RIMS1: variants seen among roughly 807,000 people sequenced by gnomAD.
RIMS1 encodes regulating synaptic membrane exocytosis protein 1.
In RIMS1, 83 loss-of-function variants were observed where a neutral mutation model predicts 214.1. The ratio of observed to expected loss-of-function variants is 0.39; its 90% CI spans 0.32 to 0.47. The LOEUF is 0.47. Among genes scored for constraint, RIMS1 ranks in the 20% least tolerant of loss-of-function variants. The pLI, the probability that RIMS1 is intolerant of heterozygous loss-of-function variation, is 0.99. For synonymous variants in RIMS1, 793 were observed against 786.8 expected (o/e 1.01, Z -0.13); for missense variants, 2,050 against 2,161.8 (o/e 0.95, Z 1.03).
intron 9 of RIMS1, among the ~76,000 whole-genome samples, chr6:72,239,711 A>G (rs1371035289): frequency 6.6e-6 from 1 of 152,172 alleles, no homozygotes. Context: ...CAAAAATGAC[A>G]CTGACACTCT....
chr6:72,244,650 C>G (rs118003391), intron 10 of RIMS1, among the ~76,000 whole-genome samples: 2 of 151,476 alleles, frequency 1.3e-5, no homozygotes, highest in East Asian at 3.9e-4. Flanking sequence ...TTAATTCATT[C>G]AAATGATTTT....
chr6:72,274,138 ATTCACT>A lies in RIMS1; in HGVS notation c.3399-209_3399-204del, dbSNP rs2084891456. ...ATCTTCCCGAATAAATTGTTTCTTTATTCACTTATAAGATTATAGGTTTTATGTTCT... is the reference window on the plus strand; with the variant it reads ...ATCTTCCCGAATAAATTGTTTCTTTATATAAGATTATAGGTTTTATGTTCT... On this transcript the variant is annotated intron_variant, in intron 22 of 33. Coordinates refer to ENST00000521978, the MANE Select transcript of RIMS1 (RefSeq NM_014989.7). Among the ~76,000 whole-genome samples, 4 of 152,304 alleles carry A rather than the reference ATTCACT, an allele frequency of 2.6e-5. No homozygotes were observed. The East Asian group carries it at 7.7e-4, about 29-fold the overall frequency.
intron 18 of RIMS1, among the ~76,000 whole-genome samples, chr6:72,259,721 G>C (rs16882224): frequency 0.074 from 11,207 of 152,138 alleles, 483 homozygotes; most frequent in Non-Finnish European, 0.1. Context: ...TCTACATTAT[G>C]AATCTGTTGC....
chr6:72,311,815 C>CA (rs1214948504), intron 27 of RIMS1, among the ~76,000 whole-genome samples: 2 of 152,144 alleles, frequency 1.3e-5, no homozygotes, highest in South Asian at 2.1e-4. Context: ...TACTAAAATA[C>CA]AAAAAACTAG....
chr6:71,963,656 T>C (rs1046381655), intron 1 of RIMS1, among the ~76,000 whole-genome samples: 1 of 152,192 alleles, frequency 6.6e-6, no homozygotes, highest in Non-Finnish European at 1.5e-5. Flanking sequence ...AAATACTCTT[T>C]TTCTTGTGCA....
intron 1 of RIMS1, among the ~76,000 whole-genome samples, chr6:71,922,545 C>G (rs996915616): frequency 1.3e-5 from 2 of 152,092 alleles, no homozygotes; most frequent in Non-Finnish European, 2.9e-5. Flanking sequence ...GTCTCAAAGA[C>G]AAAACAAAAC....
chr6:72,211,112 G>T (rs2053734610), intron 6 of RIMS1, among the ~76,000 whole-genome samples: 1 of 152,086 alleles, frequency 6.6e-6, no homozygotes, highest in South Asian at 2.1e-4. Context: ...TCTACTACTG[G>T]TTGTAAAGAT....
chr6:71,954,670 G>A (rs1790635427), intron 1 of RIMS1, among the ~76,000 whole-genome samples: 1 of 150,630 alleles, frequency 6.6e-6, no homozygotes, highest in South Asian at 2.1e-4. Flanking sequence ...GAATTTTGAC[G>A]TTTTTTAGTC....
intron 6 of RIMS1, among the ~76,000 whole-genome samples, chr6:72,195,031 T>C (rs2050646290): frequency 1.9e-5 from 2 of 102,804 alleles, no homozygotes; most frequent in Admixed American, 1.8e-4. Context: ...TACTGAAGAT[T>C]CATACTGAAG....
intron 23 of RIMS1, among the ~76,000 whole-genome samples, chr6:72,277,646 C>T (rs2154200502): frequency 6.6e-6 from 1 of 151,384 alleles, no homozygotes; most frequent in East Asian, 1.9e-4. Context: ...AGAAAAAATA[C>T]ATAAATTTGG....
chr6:71,932,552 T>TA (rs776010087), intron 1 of RIMS1, among the ~76,000 whole-genome samples: 2 of 151,982 alleles, frequency 1.3e-5, no homozygotes, highest in African/African-American at 2.4e-5. Context: ...GGTGATGAAA[T>TA]AATCTGTAAA....
At chr6:72,118,467 C>T (rs1023265438) in intron 4 of RIMS1, among the ~76,000 whole-genome samples, 6 of 151,440 alleles carry the variant, frequency 4.0e-5, no homozygotes, top group African/African-American at 9.7e-5. Context: ...CCTCCCTAAA[C>T]GTTCTATGAA....
At chr6:71,940,818 A>T (rs1464795640) in intron 1 of RIMS1, among the ~76,000 whole-genome samples, 1 of 152,174 alleles carries the variant, frequency 6.6e-6, no homozygotes, top group African/African-American at 2.4e-5. Flanking sequence ...ATCTTCTGTT[A>T]AGATTACATT....
intron 10 of RIMS1, 73 bp from the exon 11 acceptor site, chr6:72,245,738 CACGT>C (rs2069206691): frequency 1.2e-5 from 13 of 1,118,862 alleles, no homozygotes; most frequent in Admixed American, 3.6e-5. Context: ...TTTTTCACAT[CACGT>C]ATAATGGGCT....
intron 1 of RIMS1, among the ~76,000 whole-genome samples, chr6:71,957,600 A>G (rs1791657972): frequency 6.6e-6 from 1 of 150,510 alleles, no homozygotes; most frequent in African/African-American, 2.5e-5. Flanking sequence ...GTACATGCAA[A>G]GTAAATACCA....
At chr6:72,148,452 G>T (rs773963529) in intron 4 of RIMS1, among the ~76,000 whole-genome samples, 10 of 152,176 alleles carry the variant, frequency 6.6e-5, no homozygotes, top group Non-Finnish European at 1.0e-4. Context: ...CCTTGGCAGT[G>T]CCATCCATGG....
chr6:72,174,881 A>G (rs913992133), intron 4 of RIMS1, among the ~76,000 whole-genome samples: 1 of 152,222 alleles, frequency 6.6e-6, no homozygotes, highest in South Asian at 2.1e-4. Flanking sequence ...CACATATATT[A>G]TAAACTTCCA....
chr6:72,234,705 G>A (rs1475609313), intron 7 of RIMS1, among the ~76,000 whole-genome samples: 3 of 151,938 alleles, frequency 2.0e-5, no homozygotes, highest in African/African-American at 7.2e-5. Flanking sequence ...AAAATCCCTG[G>A]CACCACTTAT....
chr6:72,246,184 G>T (rs183619841), intron 11 of RIMS1, among the ~76,000 whole-genome samples: 11 of 152,266 alleles, frequency 7.2e-5, no homozygotes, highest in African/African-American at 2.6e-4. Flanking sequence ...TGTGATACTG[G>T]ATTATTCAGT....
Sources: gnomAD v4.1 joint callset for allele counts (sites outside exome capture counted in the v4.1 genomes callset) on GRCh38, gnomAD v4.1.1 for gene constraint, MANE v1.5 for transcripts, NCBI Gene and HGNC (gene_info 2026-07-23, HGNC 2026-07-21) for gene names.